The following INSYN2B variants were observed in gnomAD, a reference collection of about 807,000 sequenced individuals.
INSYN2B encodes inhibitory synaptic factor family member 2B.
In INSYN2B, 16 loss-of-function variants were observed where a neutral mutation model predicts 41.2. The observed-to-expected ratio is 0.39, with a 90% CI of 0.26 to 0.59. The LOEUF is 0.59. INSYN2B is among the 20% of genes least tolerant of loss of function. INSYN2B has a pLI of 0.57. For missense variants in INSYN2B, 608 were observed against 646.4 expected (o/e 0.94, Z 0.64); for synonymous variants, 245 against 244.4 (o/e 1.00, Z -0.02).
chr5:169,881,214 G>A (rs1772627260), intron 3 of INSYN2B, among the ~76,000 whole-genome samples, 154 bp downstream of exon 3: 1 of 152,194 alleles, frequency 6.6e-6, no homozygotes, highest in Non-Finnish European at 1.5e-5. Context: ...AGGAAACAAA[G>A]CAATCCCTGC....
chr5:169,943,112 A>C (rs1421871328), intron 1 of INSYN2B, among the ~76,000 whole-genome samples: 2 of 152,202 alleles, frequency 1.3e-5, no homozygotes, highest in Non-Finnish European at 2.9e-5. Context: ...TTCAATGGAA[A>C]TATCATTGAG....
At chr5:169,880,186 A>T (rs554235406) in intron 3 of INSYN2B, among the ~76,000 whole-genome samples, 2 of 152,214 alleles carry the variant, frequency 1.3e-5, no homozygotes, top group African/African-American at 2.4e-5. Flanking sequence ...ATTGAGGTGA[A>T]AGGCATTTAT....
At chr5:169,865,098 A>G (rs917500480) in intron 3 of INSYN2B, among the ~76,000 whole-genome samples, 3 of 152,176 alleles carry the variant, frequency 2.0e-5, no homozygotes, top group Non-Finnish European at 4.4e-5. Flanking sequence ...AGAGCTTTAC[A>G]TGTAAGACTG....
At chr5:169,873,748 T>A (rs1350060451) in intron 3 of INSYN2B, among the ~76,000 whole-genome samples, 1 of 152,168 alleles carries the variant, frequency 6.6e-6, no homozygotes, top group Non-Finnish European at 1.5e-5. Flanking sequence ...TAGCTTTGAG[T>A]GGCAGGCAAG....
At position 169,883,634 on chromosome 5, in the gene INSYN2B, C is replaced by T. The variant is rs1256891112; in HGVS notation, c.265G>A (p.Ala89Thr). The T allele has an allele frequency of 2.6e-6, 4 of 1,551,364 alleles. No homozygotes were observed. The highest frequency in any genetic ancestry group is 3.5e-6 in the Non-Finnish European group (4 of 1,146,820). ...YSLSFPRSQK[A>T]GGFRNIAIQT... ...ATTGCAATGTTGCGAAAGCCCCCTG[C>T]CTTCTGGGACCTGGGGAAGGAGAGC... Residue 89 changes from alanine to threonine, a missense_variant, in exon 2 of 4, where the codon GCA becomes ACA. Transcript: ENST00000377365.
At chr5:169,967,658 T>G (rs1004840091) in intron 1 of INSYN2B, among the ~76,000 whole-genome samples, 14 of 152,094 alleles carry the variant, frequency 9.2e-5, no homozygotes, top group Non-Finnish European at 2.1e-4. Flanking sequence ...TATAGAGAGA[T>G]CACACTCTGA....
At chr5:169,880,389 A>C (rs1264723107) in intron 3 of INSYN2B, among the ~76,000 whole-genome samples, 1 of 152,250 alleles carries the variant, frequency 6.6e-6, no homozygotes, top group Non-Finnish European at 1.5e-5. Context: ...TTTTAAAAGA[A>C]GACATAGGCA....
intron 1 of INSYN2B, among the ~76,000 whole-genome samples, chr5:169,945,781 C>T (rs1290378553): frequency 1.3e-5 from 2 of 152,346 alleles, no homozygotes; most frequent in Non-Finnish European, 2.9e-5. Context: ...TCTTCAGCAG[C>T]CAGCACCTCT....
intron 1 of INSYN2B, among the ~76,000 whole-genome samples, chr5:169,892,936 C>A (rs185187884): frequency 7.0e-4 from 106 of 152,046 alleles, no homozygotes; most frequent in Middle Eastern, 3.4e-3. Context: ...GCATGGCTCC[C>A]CATTTCATTT....
At chr5:169,973,091 C>T (rs563174352) in intron 1 of INSYN2B, among the ~76,000 whole-genome samples, 57 of 152,298 alleles carry the variant, frequency 3.7e-4, no homozygotes, top group Admixed American at 1.4e-3. Flanking sequence ...AGAAGGAAAA[C>T]GAGGTAAACT....
chr5:169,948,767 T>C (rs984313291), intron 1 of INSYN2B, among the ~76,000 whole-genome samples: 1 of 151,892 alleles, frequency 6.6e-6, no homozygotes, highest in African/African-American at 2.4e-5. Context: ...TGTGTGCCAC[T>C]ACACCTGGCT....
At chr5:169,945,959 G>A (rs1038306782) in intron 1 of INSYN2B, among the ~76,000 whole-genome samples, 1 of 152,158 alleles carries the variant, frequency 6.6e-6, no homozygotes, top group African/African-American at 2.4e-5. Context: ...CACATGAGCA[G>A]GCCAGGCAGG....
intron 1 of INSYN2B, among the ~76,000 whole-genome samples, chr5:169,940,065 C>T (rs1776174311): frequency 6.6e-6 from 1 of 152,200 alleles, no homozygotes; most frequent in South Asian, 2.1e-4. Flanking sequence ...ATCTAGAGCC[C>T]TGGTGACGGC....
At position 169,882,811 on chromosome 5, in the gene INSYN2B, G is replaced by T; in HGVS notation, c.1088C>A (p.Thr363Asn). 1 of 1,551,440 alleles carries T rather than the reference G, an allele frequency of 6.4e-7. No individual in the cohort carries two copies. Among genetic ancestry groups the T allele is most frequent in the African/African-American group, 1.4e-5 (1 of 73,120 alleles). ...GCQEQTANNPTESDTLEFPNC... is the reference protein window; with the variant it reads ...GCQEQTANNPNESDTLEFPNC... ...TGGAAACTCCAGTGTGTCTGACTCG[G>T]TGGGGTTGTTTGCCGTCTGCTCCTG... Residue 363 changes from threonine (T) to asparagine (N), a missense_variant, in exon 2 of 4, where the codon ACC becomes AAC. Transcript: ENST00000377365.
intron 1 of INSYN2B, among the ~76,000 whole-genome samples, chr5:169,972,916 A>T (rs963795006): frequency 6.6e-6 from 1 of 152,122 alleles, no homozygotes; most frequent in African/African-American, 2.4e-5. Flanking sequence ...CCCCTCCCCA[A>T]TAAGCTGTTA....
chr5:169,865,106 C>T (rs1456910515), intron 3 of INSYN2B, among the ~76,000 whole-genome samples: 3 of 152,206 alleles, frequency 2.0e-5, no homozygotes, highest in Non-Finnish European at 4.4e-5. Flanking sequence ...ACATGTAAGA[C>T]TGCCTTGTAG....
chr5:169,957,181 C>T (rs761852700), intron 1 of INSYN2B, among the ~76,000 whole-genome samples: 1 of 152,164 alleles, frequency 6.6e-6, no homozygotes, highest in Admixed American at 6.6e-5. Flanking sequence ...AATGGGTACT[C>T]AATAAATAAT....
chr5:169,877,646 T>A (rs981600801), intron 3 of INSYN2B, among the ~76,000 whole-genome samples: 1 of 151,964 alleles, frequency 6.6e-6, no homozygotes, highest in Non-Finnish European at 1.5e-5. Context: ...ATGTAGTTGC[T>A]TGAAAATTTT....
In INSYN2B at chr5:169,882,654, T is replaced by G. The variant is rs1581351322; in HGVS notation, c.1245A>C (p.Arg415=). 6 of 1,552,110 alleles carry G rather than the reference T, an allele frequency of 3.9e-6. No individual in the cohort carries two copies. Among genetic ancestry groups the G allele is most frequent in the Non-Finnish European group, 4.4e-6 (5 of 1,147,036 alleles). The change falls in exon 2 of 4, where the codon CGA becomes CGC. Residue 415 remains arginine, a synonymous_variant. Coordinates refer to ENST00000377365, the MANE Select transcript of INSYN2B (RefSeq NM_001129891.3). ...GCAGAGATTCCTCCACAGATTGCAGTCGGCCTTGGAGGTCGCAGAGTTCAC... is the reference window on the plus strand; with the variant it reads ...GCAGAGATTCCTCCACAGATTGCAGGCGGCCTTGGAGGTCGCAGAGTTCAC... ...ARGELCDLQG[R]LQSVEESLHS...
Sources: gnomAD v4.1 joint callset for allele counts (sites outside exome capture counted in the v4.1 genomes callset) on GRCh38, gnomAD v4.1.1 for gene constraint, MANE v1.5 for transcripts, NCBI Gene and HGNC (gene_info 2026-07-23, HGNC 2026-07-21) for gene names.